TPD52L2: variants seen among roughly 807,000 people sequenced by gnomAD.
The protein encoded by TPD52L2 is tumor protein D54.
TPD52L2 carries 19 observed loss-of-function variants against 24.7 expected under a neutral mutation model. That is an observed-to-expected ratio of 0.77 (90% CI 0.54 to 1.13). TPD52L2 has a LOEUF of 1.13. Among genes scored for constraint, TPD52L2 ranks in the 50% most tolerant of loss-of-function variants. TPD52L2 has a pLI of 0.00. For missense variants in TPD52L2, 236 were observed against 250.4 expected (o/e 0.94, Z 0.39); for synonymous variants, 104 against 100.2 (o/e 1.04, Z -0.23).
intron 3 of TPD52L2, 70 bp downstream of exon 3, chr20:63,873,886 G>A (rs1207028572): frequency 7.1e-7 from 1 of 1,406,170 alleles, no homozygotes; most frequent in East Asian, 2.8e-5. Context: ...CCGGCATGTG[G>A]GGGGGCGTCG....
chr20:63,870,856 T>C (rs977135038), intron 2 of TPD52L2, among the ~76,000 whole-genome samples: 1 of 151,778 alleles, frequency 6.6e-6, no homozygotes, highest in African/African-American at 2.4e-5. Context: ...TATCTGGGAT[T>C]ACAGGCGCGT....
At chr20:63,889,796 T>G in intron 6 of TPD52L2, 54 bp from the exon 7 acceptor site, 2 of 1,543,328 alleles carry the variant, frequency 1.3e-6, no homozygotes, top group Non-Finnish European at 1.8e-6. Context: ...GGATCTGCCT[T>G]GTGTTGTGTG....
intron 4 of TPD52L2, chr20:63,876,886 C>T (rs2052704215): frequency 2.2e-6 from 1 of 455,352 alleles, no homozygotes; most frequent in Non-Finnish European, 4.4e-6. Context: ...GCTCTGGGGA[C>T]CCGGGCGGTT....
intron 2 of TPD52L2, among the ~76,000 whole-genome samples, chr20:63,873,260 T>C (rs1004189968): frequency 4.0e-5 from 6 of 151,018 alleles, no homozygotes. Context: ...GAGGCTGAGG[T>C]GGGAGGATCA....
chr20:63,873,007 C>A (rs2052524648), intron 2 of TPD52L2, among the ~76,000 whole-genome samples: 2 of 150,196 alleles, frequency 1.3e-5, no homozygotes, highest in African/African-American at 2.4e-5. Context: ...GCCACTGCGC[C>A]CGGCCGGTCT....
At chr20:63,867,309 T>C (rs1029692126) in intron 1 of TPD52L2, among the ~76,000 whole-genome samples, 38 of 152,190 alleles carry the variant, frequency 2.5e-4, no homozygotes, top group African/African-American at 9.2e-4. Context: ...CTTACGCCTG[T>C]AATTCTAACA....
chr20:63,865,818 T>G, intron 1 of TPD52L2, among the ~76,000 whole-genome samples: 1 of 151,776 alleles, frequency 6.6e-6, no homozygotes, highest in Non-Finnish European at 1.5e-5. Flanking sequence ...TGAGGGCGGC[T>G]CCCGAGCAGA....
Position 63,865,327 on chromosome 20 carries a change from C to A in TPD52L2, c.-39C>A. 6.6e-7 allele frequency: 1 copy of A among 1,518,946 alleles called. No individual in the cohort carries two copies. Among genetic ancestry groups the A allele is most frequent in the Non-Finnish European group, 8.8e-7 (1 of 1,139,490 alleles). 94.1% of individuals were successfully genotyped at this position (1,518,946 alleles called of 1,614,324 possible). A position where few individuals can be genotyped will look rare whatever the true frequency, so the allele number is the denominator to read the frequency against. ...TCTCCCGGCGCCGCCCGCTCGGCTCCCATAGCGCCCGCGACAGCGGTCCGG... is the reference window on the plus strand; with the variant it reads ...TCTCCCGGCGCCGCCCGCTCGGCTCACATAGCGCCCGCGACAGCGGTCCGG... On this transcript the variant is annotated 5_prime_UTR_variant, in exon 1 of 7. Coordinates refer to ENST00000346249, the MANE Select transcript of TPD52L2 (RefSeq NM_003288.4).
intron 1 of TPD52L2, among the ~76,000 whole-genome samples, chr20:63,868,693 C>G (rs2052350565): frequency 6.6e-6 from 1 of 152,200 alleles, no homozygotes; most frequent in South Asian, 2.1e-4. Context: ...CCTGTAATCC[C>G]AACACTTTGG....
rs966072820 is a variant in TPD52L2, at chr20:63,889,308, G to A, written c.525+70G>A. ...TGTTACAGCAACTTGTTTATTATTA[G>A]TCATTTAGTTATGGTAGACTCACAT... On this transcript the variant is annotated intron_variant, in intron 6 of 6. Coordinates refer to ENST00000346249, the MANE Select transcript of TPD52L2 (RefSeq NM_003288.4). The A allele has an allele frequency of 7.4e-6, 10 of 1,349,928 alleles. No individual in the cohort carries two copies. The South Asian group carries it at 1.2e-4, about 16-fold the overall frequency. The allele number at this position is 1,349,928 out of a possible 1,614,324, so 83.6% of individuals were successfully genotyped here.
In TPD52L2 at chr20:63,873,753, C is replaced by T. The variant is rs753959135; in HGVS notation, c.251C>T (p.Ser84Phe). ...CGELKRRLGL[S>F]TLGELKQNLS... ...GAGCTCAAGAGGAGGCTGGGCCTCT[C>T]CACCCTGGGGGAGCTGAAACAGAAC... The change falls in exon 3 of 7, where the codon TCC (serine) becomes TTC (phenylalanine). Residue 84 changes from serine (S) to phenylalanine (F), a missense_variant. Coordinates refer to ENST00000346249, the MANE Select transcript of TPD52L2 (RefSeq NM_003288.4). 1.0e-5 allele frequency: 16 copies of T among 1,603,858 alleles called. No individual in the cohort carries two copies. The highest frequency in any genetic ancestry group is 2.3e-5 in the East Asian group (1 of 43,998).
chr20:63,889,771 T>C, intron 6 of TPD52L2, 79 bp from the exon 7 acceptor site: 3 of 1,383,220 alleles, frequency 2.2e-6, no homozygotes, highest in Middle Eastern at 1.8e-4. Context: ...TTGTAGAGCA[T>C]TGAGCATGGG....
intron 3 of TPD52L2, 26 bp downstream of exon 3, chr20:63,873,842 C>G: frequency 6.8e-7 from 1 of 1,477,182 alleles, no homozygotes; most frequent in East Asian, 2.5e-5. Context: ...AGGCGCACCC[C>G]TGGGGGCTGA....
chr20:63,884,240 A>G (rs2053013561), intron 5 of TPD52L2, among the ~76,000 whole-genome samples: 1 of 152,054 alleles, frequency 6.6e-6, no homozygotes, highest in African/African-American at 2.4e-5. Flanking sequence ...GGTCTTCCCT[A>G]CCACTGCTGA....
chr20:63,885,469 T>G (rs927122944), intron 5 of TPD52L2, among the ~76,000 whole-genome samples: 1 of 152,366 alleles, frequency 6.6e-6, no homozygotes, highest in Non-Finnish European at 1.5e-5. Flanking sequence ...GTTTCCAGGT[T>G]GGCGTCTGTG....
At chr20:63,882,967 T>C in intron 5 of TPD52L2, 147 bp downstream of exon 5, 2 of 641,560 alleles carry the variant, frequency 3.1e-6, no homozygotes, top group Non-Finnish European at 5.3e-6. Context: ...CCGACCAGTC[T>C]GTGTGCAGAC....
intron 6 of TPD52L2, among the ~76,000 whole-genome samples, chr20:63,889,619 C>T (rs918927174): frequency 6.6e-6 from 1 of 152,178 alleles, no homozygotes; most frequent in Non-Finnish European, 1.5e-5. Flanking sequence ...AAGAATGTCA[C>T]GTAAATGGAA....
At chr20:63,887,944 G>A in intron 5 of TPD52L2, 1 of 417,930 alleles carries the variant, frequency 2.4e-6, no homozygotes, top group Non-Finnish European at 4.4e-6. Context: ...CTGGTGGGCT[G>A]TCACTCAGGA....
At chr20:63,868,545 A>T (rs1174603604) in intron 1 of TPD52L2, among the ~76,000 whole-genome samples, 1 of 152,220 alleles carries the variant, frequency 6.6e-6, no homozygotes, top group Non-Finnish European at 1.5e-5. Flanking sequence ...AATGAGCAGC[A>T]TGTGCTCCTA....
Sources: allele counts gnomAD v4.1 joint callset (sites outside exome capture counted in the v4.1 genomes callset), GRCh38; gene constraint gnomAD v4.1.1; transcripts MANE v1.5; gene names NCBI Gene and HGNC (gene_info 2026-07-23, HGNC 2026-07-21).